The following LPGAT1 variants were observed in gnomAD, a reference collection of about 807,000 sequenced individuals.
The protein encoded by LPGAT1 is lysophosphatidylglycerol acyltransferase 1, also known as acyl-CoA:lysophosphatidylglycerol acyltransferase 1.
Under a neutral mutation model 47.5 loss-of-function variants are expected in LPGAT1, and 11 were observed. The ratio of observed to expected loss-of-function variants is 0.23; its 90% CI spans 0.15 to 0.38. The LOEUF (loss-of-function observed/expected upper bound fraction) is 0.38, where lower values mean the gene tolerates loss of function less well. LPGAT1 is among the 10% of genes least tolerant of loss of function. The probability of loss-of-function intolerance (pLI) is 1.00; values close to 1 mark genes in which losing one functional copy is unlikely to be tolerated. For synonymous variants in LPGAT1, 138 were observed against 144.2 expected, an observed-to-expected ratio of 0.96 and a Z score of 0.31; for missense variants, 293 against 439.0, an observed-to-expected ratio of 0.67 and a Z score of 2.97.
Position 211,803,610 on chromosome 1 carries a change from C to A in LPGAT1, c.239-10420G>T, listed in dbSNP as rs573388672. On this transcript the variant is annotated intron_variant, in intron 2 of 7. Coordinates refer to ENST00000366997, the MANE Select transcript of LPGAT1 (RefSeq NM_014873.3). ...TATTAAATCTAGGAACAACTCTGTG[C>A]AGGAAAGTAAAAGTGAACAGTTTTA... 2.0e-5 allele frequency among the ~76,000 whole-genome samples: 3 copies of A among 152,154 alleles called. No homozygotes were observed. The East Asian group carries it at 5.8e-4, about 29-fold the overall frequency.
intron 2 of LPGAT1, among the ~76,000 whole-genome samples, chr1:211,824,948 G>T (rs1240110678): frequency 6.6e-6 from 1 of 152,010 alleles, no homozygotes; most frequent in Non-Finnish European, 1.5e-5. Flanking sequence ...TGTCAGTTGG[G>T]GAGCAGGAGG....
chr1:211,791,118 T>TA (rs11388683), intron 3 of LPGAT1, among the ~76,000 whole-genome samples: 148,567 of 152,344 alleles, frequency 0.98, 72,456 homozygotes, highest in East Asian at 1. Flanking sequence ...GGATTTAATT[T>TA]TTCCACATTC....
intron 5 of LPGAT1, among the ~76,000 whole-genome samples, chr1:211,780,886 TTATG>T (rs10579126): frequency 0.35 from 53,427 of 151,672 alleles, 10,378 homozygotes; most frequent in East Asian, 0.71. Context: ...CTTTCAACTC[TTATG>T]TATGTTTGAA....
intron 2 of LPGAT1, among the ~76,000 whole-genome samples, chr1:211,824,356 ACT>A (rs1660465907): frequency 6.6e-6 from 1 of 152,226 alleles, no homozygotes; most frequent in African/African-American, 2.4e-5. Context: ...AGACTGTGCC[ACT>A]GTACTCCAGG....
intron 6 of LPGAT1, among the ~76,000 whole-genome samples, chr1:211,778,034 T>A (rs1169029960): frequency 2.6e-5 from 4 of 152,104 alleles, no homozygotes; most frequent in African/African-American, 9.7e-5. Flanking sequence ...GAAGTTACCC[T>A]ATATAGTCTA....
At chr1:211,807,318 A>T (rs1359690319) in intron 2 of LPGAT1, among the ~76,000 whole-genome samples, 1 of 151,806 alleles carries the variant, frequency 6.6e-6, no homozygotes, top group African/African-American at 2.4e-5. Flanking sequence ...GACTCAACAT[A>T]GCAAAAATGT....
Position 211,830,364 on chromosome 1 carries a change from C to T in LPGAT1, c.-28+209G>A, listed in dbSNP as rs1660693089. The T allele has an allele frequency of 9.5e-6, 11 of 1,159,708 alleles. No individual in the cohort carries two copies. Among genetic ancestry groups the T allele is most frequent in the Non-Finnish European group, 1.2e-5 (11 of 941,792 alleles). The allele number at this position is 1,159,708 out of a possible 1,614,324, so 71.8% of individuals were successfully genotyped here. The stretch of plus-strand genomic sequence containing the variant: ...AGAGGGACGGCGGGGACTCAGAGGC[C>T]GGACCTGTCACCCGGGCGGGTCCCG... On this transcript the variant is annotated intron_variant, in intron 1 of 7. Transcript: ENST00000366997. The surrounding 1 kb of genome is among the most constrained non-coding windows in gnomAD (Gnocchi z 5.9).
intron 6 of LPGAT1, among the ~76,000 whole-genome samples, chr1:211,756,612 G>C (rs577008918): frequency 7.2e-5 from 11 of 152,272 alleles, no homozygotes; most frequent in Non-Finnish European, 1.0e-4. Context: ...GGAATTGAGT[G>C]AGCCACTGTG....
intron 4 of LPGAT1, among the ~76,000 whole-genome samples, chr1:211,787,222 A>C (rs896914328): frequency 1.3e-5 from 2 of 152,148 alleles, no homozygotes; most frequent in African/African-American, 4.8e-5. Flanking sequence ...CACAGTGGCC[A>C]GTGGCTCACA....
At chr1:211,828,982 A>G in intron 2 of LPGAT1, 77 bp downstream of exon 2, 2 of 1,450,290 alleles carry the variant, frequency 1.4e-6, no homozygotes, top group Non-Finnish European at 1.9e-6. Flanking sequence ...TCCTCAACCC[A>G]AAGTGTAATA....
intron 2 of LPGAT1, among the ~76,000 whole-genome samples, chr1:211,818,652 G>A (rs1251827614): frequency 2.0e-5 from 3 of 152,298 alleles, no homozygotes; most frequent in African/African-American, 7.2e-5. Flanking sequence ...AAACTCTTAT[G>A]TAACAATATT....
intron 6 of LPGAT1, among the ~76,000 whole-genome samples, chr1:211,753,884 G>A (rs1657318393): frequency 6.6e-6 from 1 of 152,128 alleles, no homozygotes; most frequent in African/African-American, 2.4e-5. Flanking sequence ...TCTGTTGCCT[G>A]TTACCCTCAC....
intron 6 of LPGAT1, among the ~76,000 whole-genome samples, chr1:211,752,466 T>C (rs1487871162): frequency 6.6e-6 from 1 of 151,024 alleles, no homozygotes; most frequent in African/African-American, 2.4e-5. Flanking sequence ...TCCTCCTCAT[T>C]GTTCTTGTTC....
intron 5 of LPGAT1, among the ~76,000 whole-genome samples, chr1:211,779,844 C>T (rs1044869254): frequency 1.4e-5 from 2 of 140,110 alleles, no homozygotes; most frequent in African/African-American, 5.6e-5. Context: ...AAGAGCAAAA[C>T]TCCGTCTCAA....
intron 2 of LPGAT1, among the ~76,000 whole-genome samples, chr1:211,821,168 A>T (rs1429093680): frequency 6.6e-6 from 1 of 152,192 alleles, no homozygotes. Context: ...AGGCAGGACA[A>T]TTGCTTGAAC....
chr1:211,814,272 C>A (rs1387106664), intron 2 of LPGAT1, among the ~76,000 whole-genome samples: 1 of 152,158 alleles, frequency 6.6e-6, no homozygotes, highest in African/African-American at 2.4e-5. Flanking sequence ...ACCACAACTA[C>A]AGAGTTGATG....
intron 6 of LPGAT1, among the ~76,000 whole-genome samples, chr1:211,773,832 T>G (rs1448474044): frequency 6.6e-6 from 1 of 152,204 alleles, no homozygotes; most frequent in Non-Finnish European, 1.5e-5. Flanking sequence ...AGTTCTTTAC[T>G]CTCAGATGTT....
At chr1:211,753,643 G>A (rs2102489195) in intron 6 of LPGAT1, among the ~76,000 whole-genome samples, 1 of 152,208 alleles carries the variant, frequency 6.6e-6, no homozygotes, top group East Asian at 1.9e-4. Flanking sequence ...ACATTCACAA[G>A]AGGAGAGAAA....
chr1:211,829,097 C>A lies in LPGAT1; in HGVS notation c.200G>T (p.Gly67Val). 6.2e-7 allele frequency: 1 copy of A among 1,614,148 alleles called. No individual in the cohort carries two copies. Residue 67 changes from glycine to valine, a missense_variant, in exon 2 of 8, where the codon GGA (glycine) becomes GTA (valine). Transcript: ENST00000366997. ...IEGIMYKWLL[G>V]MVASWGWYAG... is the part of the protein sequence containing the mutation. ...ATACCATCCCCAGGAAGCTACCATT[C>A]CTAAAAGCCATTTATACATGATTCC... is the stretch of plus-strand genomic sequence containing the variant.
Sources: allele counts gnomAD v4.1 joint callset (sites outside exome capture counted in the v4.1 genomes callset), GRCh38; gene constraint gnomAD v4.1.1; non-coding constraint Gnocchi (gnomAD v3.1); transcripts MANE v1.5; gene names NCBI Gene and HGNC (gene_info 2026-07-23, HGNC 2026-07-21).